SDK1: variants seen among roughly 807,000 people sequenced by gnomAD.
The protein encoded by SDK1 is protein sidekick-1.
In SDK1, 157 loss-of-function variants were observed where a neutral mutation model predicts 245.5. The ratio of observed to expected loss-of-function variants is 0.64; its 90% CI spans 0.56 to 0.73. The LOEUF is 0.73. SDK1 is among the 30% of genes least tolerant of loss of function. SDK1 has a pLI of 0.00. For synonymous variants in SDK1, 1,647 were observed against 1,278.5 expected (o/e 1.29, Z -6.15); for missense variants, 3,583 against 3,002.3 (o/e 1.19, Z -4.52).
intron 5 of SDK1, among the ~76,000 whole-genome samples, chr7:3,859,530 C>G (rs1780635970): frequency 1.3e-5 from 2 of 152,054 alleles, no homozygotes; most frequent in South Asian, 2.1e-4. Flanking sequence ...TCTTTCTGCT[C>G]TACCATTCTC....
At chr7:4,228,712 G>A (rs1814497) in intron 40 of SDK1, among the ~76,000 whole-genome samples, 26,728 of 152,106 alleles carry the variant, frequency 0.18, 3,095 homozygotes, top group Non-Finnish European at 0.25. Flanking sequence ...GCTAATTTTT[G>A]TATTTTTAGT....
At chr7:3,645,327 G>C (rs958845782) in intron 4 of SDK1, among the ~76,000 whole-genome samples, 1 of 152,164 alleles carries the variant, frequency 6.6e-6, no homozygotes, top group African/African-American at 2.4e-5. Context: ...ATTTTTTAAA[G>C]AGATGAGATG....
intron 4 of SDK1, among the ~76,000 whole-genome samples, chr7:3,670,866 A>T (rs1783680264): frequency 6.6e-6 from 1 of 152,202 alleles, no homozygotes; most frequent in Non-Finnish European, 1.5e-5. Flanking sequence ...AATAAATTAG[A>T]TGATCACCCT....
At chr7:3,621,752 A>G (rs1446997765) in intron 2 of SDK1, among the ~76,000 whole-genome samples, 1 of 152,218 alleles carries the variant, frequency 6.6e-6, no homozygotes, top group Non-Finnish European at 1.5e-5. Flanking sequence ...TGGGGGGTGC[A>G]AGAGTAAGAC....
chr7:3,632,107 T>G (rs1782310308), intron 2 of SDK1, among the ~76,000 whole-genome samples: 1 of 152,318 alleles, frequency 6.6e-6, no homozygotes, highest in East Asian at 1.9e-4. Context: ...TTTTTATCCC[T>G]AAGAAAAGGC....
chr7:3,302,670 CT>C (rs1191437229), intron 1 of SDK1, among the ~76,000 whole-genome samples: 3 of 142,122 alleles, frequency 2.1e-5, no homozygotes, highest in Non-Finnish European at 4.6e-5. Context: ...GCATCGTTTT[CT>C]TTTGAAGTTT....
At chr7:4,244,073 T>A (rs1157927144) in intron 43 of SDK1, among the ~76,000 whole-genome samples, 6 of 152,094 alleles carry the variant, frequency 3.9e-5, no homozygotes, top group Non-Finnish European at 8.8e-5. Flanking sequence ...ACTGGGCCTT[T>A]CCAGGAGAAA....
At chr7:3,419,653 A>T (rs1430980417) in intron 1 of SDK1, among the ~76,000 whole-genome samples, 1 of 152,192 alleles carries the variant, frequency 6.6e-6, no homozygotes, top group Non-Finnish European at 1.5e-5. Context: ...TGTCGATCAT[A>T]TGGGAAAATA....
chr7:3,509,263 G>A (rs1487535588), intron 1 of SDK1, among the ~76,000 whole-genome samples: 1 of 152,096 alleles, frequency 6.6e-6, no homozygotes, highest in African/African-American at 2.4e-5. Flanking sequence ...GGGTCCTCTG[G>A]TTTTTCTGTT....
At chr7:4,017,127 G>A (rs760599190) in intron 16 of SDK1, 44 bp from the exon 17 acceptor site, 7 of 1,550,080 alleles carry the variant, frequency 4.5e-6, no homozygotes, top group East Asian at 4.5e-5. Flanking sequence ...CCGTTCCTGG[G>A]TCCAGTTATT....
At chr7:3,571,445 G>A (rs531649620) in intron 1 of SDK1, among the ~76,000 whole-genome samples, 144 of 152,036 alleles carry the variant, frequency 9.5e-4, no homozygotes, top group African/African-American at 3.2e-3. Context: ...CGGAACTACA[G>A]GCCCGTACCA....
At chr7:3,560,642 T>G (rs1165767707) in intron 1 of SDK1, among the ~76,000 whole-genome samples, 1 of 152,174 alleles carries the variant, frequency 6.6e-6, no homozygotes, top group Non-Finnish European at 1.5e-5. Context: ...GGCACGATCC[T>G]GTAAAAACAT....
In SDK1 at chr7:3,517,536, A is replaced by G. The variant is rs940359220; in HGVS notation, c.299-101544A>G. Among the ~76,000 whole-genome samples the G allele has an allele frequency of 2.6e-5, 4 of 152,152 alleles. No individual in the cohort carries two copies. The South Asian group carries it at 8.3e-4, about 32-fold the overall frequency. On this transcript the variant is annotated intron_variant, in intron 1 of 44. Coordinates refer to ENST00000404826, the MANE Select transcript of SDK1 (RefSeq NM_152744.4). ...CTGCAGGAATGTATTGACCTGTTGC[A>G]TTAGGAAATAGCCCACAACGACTTA...
At position 3,786,986 on chromosome 7, in the gene SDK1, T is replaced by G. The variant is rs1206689532; in HGVS notation, c.714-34464T>G. Among the ~76,000 whole-genome samples the G allele has an allele frequency of 2.0e-5, 3 of 152,130 alleles. 1 individual carries two copies. The highest frequency in any genetic ancestry group is 4.4e-5 in the Non-Finnish European group (3 of 68,028). On this transcript the variant is annotated intron_variant, in intron 4 of 44. Coordinates refer to ENST00000404826, the MANE Select transcript of SDK1 (RefSeq NM_152744.4). The stretch of plus-strand genomic sequence containing the variant: ...AAATAGAGTATAAACATTGTTCTCT[T>G]ACTCTGACAAGCAGAATTGATAGAC...
intron 5 of SDK1, among the ~76,000 whole-genome samples, chr7:3,821,859 A>G (rs916111939): frequency 8.5e-5 from 13 of 152,210 alleles, no homozygotes; most frequent in South Asian, 2.1e-4. Flanking sequence ...TACACAGTCA[A>G]TGCATGTTGT....
At chr7:3,469,149 C>T (rs1054785282) in intron 1 of SDK1, among the ~76,000 whole-genome samples, 1 of 151,882 alleles carries the variant, frequency 6.6e-6, no homozygotes, top group Non-Finnish European at 1.5e-5. Context: ...TCAGAAATTC[C>T]CCAAAGGACA....
In SDK1 at chr7:4,022,776, C is replaced by CTTTTT. The variant is rs770558246; in HGVS notation, c.2602+5435_2602+5439dup. 1.0e-4 allele frequency among the ~76,000 whole-genome samples: 14 copies of CTTTTT among 138,154 alleles called. No homozygotes were observed. In the South Asian group the frequency reaches 1.4e-3, roughly 14 times the overall value. The allele number at this position is 138,154 out of a possible 152,430, so 90.6% of individuals were successfully genotyped here. A position where few individuals can be genotyped will look rare whatever the true frequency, so the allele number is the denominator to read the frequency against. ...TCGTTTTTCTTTTCTTTCTTTCTTT[C>CTTTTT]TTTTTTTTTTTTTTTGAGACAGAGT... On this transcript the variant is annotated intron_variant, in intron 17 of 44. Transcript: ENST00000404826.
chr7:3,623,453 C>G (rs1782008685), intron 2 of SDK1, among the ~76,000 whole-genome samples: 1 of 152,048 alleles, frequency 6.6e-6, no homozygotes, highest in Non-Finnish European at 1.5e-5. Flanking sequence ...GATGGCCAGG[C>G]TGGTCTCACA....
chr7:3,859,052 C>T lies in SDK1; in HGVS notation c.847+37469C>T, dbSNP rs567331963. On this transcript the variant is annotated intron_variant, in intron 5 of 44. Transcript: ENST00000404826. ...TAATTTTTTGTATTTTTAGTAGAGA[C>T]GGGGTTTCACTGTGTTAGCCAGGAT... 1.4e-4 allele frequency among the ~76,000 whole-genome samples: 21 copies of T among 151,350 alleles called. No individual in the cohort carries two copies. The East Asian group carries it at 1.8e-3, about 13-fold the overall frequency.
Sources: allele counts gnomAD v4.1 joint callset (sites outside exome capture counted in the v4.1 genomes callset), GRCh38; gene constraint gnomAD v4.1.1; transcripts MANE v1.5; gene names NCBI Gene and HGNC (gene_info 2026-07-23, HGNC 2026-07-21).